The following NCOR2 variants were observed in gnomAD, a reference collection of about 807,000 sequenced individuals.
NCOR2 encodes the protein CTG repeat protein 26.
In NCOR2, 81 loss-of-function variants were observed where a neutral mutation model predicts 262.9. The observed-to-expected ratio is 0.31, with a 90% confidence interval of 0.26 to 0.37. NCOR2 has a LOEUF of 0.37. Among genes scored for constraint, NCOR2 ranks in the 10% least tolerant of loss-of-function variants. The probability of loss-of-function intolerance (pLI) is 1.00; values close to 1 mark genes in which losing one functional copy is unlikely to be tolerated. For synonymous variants in NCOR2, 1,659 were observed against 1,559.3 expected (o/e 1.06, Z -1.51); for missense variants, 3,385 against 3,621.4 (o/e 0.93, Z 1.68).
chr12:124,542,110 C>T (rs1243893174), intron 1 of NCOR2, among the ~76,000 whole-genome samples: 1 of 151,942 alleles, frequency 6.6e-6, no homozygotes, highest in Non-Finnish European at 1.5e-5. Context: ...GACCCAGCCT[C>T]AGCCTCTTCC....
chr12:124,563,922 A>G (rs951542267), intron 1 of NCOR2, among the ~76,000 whole-genome samples: 8 of 152,246 alleles, frequency 5.3e-5, no homozygotes, highest in Non-Finnish European at 1.0e-4. Flanking sequence ...GACCGTGAAT[A>G]ATCCCAGGTC....
rs3741513 is a variant in NCOR2 at position 124,372,114 on chromosome 12, T to A, written c.2715A>T (p.Thr905=). 918,841 of 1,602,002 alleles carry A rather than the reference T, an allele frequency of 0.57. 271,062 individuals carry two copies. Among genetic ancestry groups the A allele is most frequent in the Admixed American group, 0.61 (36,856 of 59,964 alleles). Residue 905 remains threonine (T), a synonymous_variant, in exon 20 of 47, where the codon ACA becomes ACT. Coordinates refer to ENST00000405201, the Ensembl canonical transcript of NCOR2. ...CCTGGGGGGCGCCCGAGCTCTTGGCTGTGGTGGCCCTGCCGCTCCCGCCCT... is the reference window on the plus strand; with the variant it reads ...CCTGGGGGGCGCCCGAGCTCTTGGCAGTGGTGGCCCTGCCGCTCCCGCCCT...
intron 16 of NCOR2, among the ~76,000 whole-genome samples, chr12:124,388,065 G>A (rs1334515794): frequency 6.6e-6 from 1 of 151,798 alleles, no homozygotes; most frequent in African/African-American, 2.4e-5. Context: ...GTGGGTTGAG[G>A]GCAGAGGAGA....
At position 124,432,845 on chromosome 12, in the gene NCOR2, T is replaced by A. The variant is rs895422024; in HGVS notation, c.883-2058A>T. Among the ~76,000 whole-genome samples, 1 of 100,762 alleles carries A rather than the reference T, an allele frequency of 9.9e-6. No individual in the cohort carries two copies. The highest frequency in any genetic ancestry group is 1.8e-5 in the Non-Finnish European group (1 of 54,504). The allele number at this position is 100,762 out of a possible 152,430, so 66.1% of individuals were successfully genotyped here. A position where few individuals can be genotyped will look rare whatever the true frequency, so the allele number is the denominator to read the frequency against. ...TGGCTTCCACATCTCCAAGGTGACT[T>A]GAGCAAGTGGCGGCGGGGGGCGGGG... On this transcript the variant is annotated intron_variant, in intron 8 of 46. Transcript: ENST00000405201. The surrounding 1 kb of genome is among the most constrained non-coding windows in gnomAD (Gnocchi z 5.1).
intron 38 of NCOR2, 63 bp downstream of exon 40, chr12:124,336,690 C>T (rs1455217843): frequency 1.0e-5 from 16 of 1,586,926 alleles, no homozygotes; most frequent in African/African-American, 4.1e-5. Context: ...GCCCCTTTAT[C>T]GTGAGCAATT....
intron 1 of NCOR2, among the ~76,000 whole-genome samples, chr12:124,557,685 T>C (rs943209320): frequency 1.3e-5 from 2 of 152,068 alleles, no homozygotes; most frequent in South Asian, 2.1e-4. Context: ...TGGCAGACGA[T>C]GCGAAAATAA....
chr12:124,469,953 A>G (rs1354442453), intron 4 of NCOR2, among the ~76,000 whole-genome samples: 1 of 152,114 alleles, frequency 6.6e-6, no homozygotes, highest in African/African-American at 2.4e-5. Context: ...ATCACTCAAG[A>G]CCAGCAGTTT....
intron 27 of NCOR2, among the ~76,000 whole-genome samples, chr12:124,352,197 A>T (rs2037543293): frequency 6.6e-6 from 1 of 152,148 alleles, no homozygotes; most frequent in Admixed American, 6.5e-5. Context: ...TTCCTGCAGC[A>T]TCCTGGCGGG....
chr12:124,450,144 G>T (rs1175874640), intron 6 of NCOR2, among the ~76,000 whole-genome samples: 3 of 152,208 alleles, frequency 2.0e-5, no homozygotes, highest in Non-Finnish European at 4.4e-5. Flanking sequence ...TGGCCTGGAA[G>T]GGGCCACAGC....
chr12:124,425,586 G>T (rs185995574), intron 11 of NCOR2, among the ~76,000 whole-genome samples: 1 of 152,242 alleles, frequency 6.6e-6, no homozygotes, highest in African/African-American at 2.4e-5. Flanking sequence ...CAGGGCCCAC[G>T]ATCTCCTCTG....
At chr12:124,462,452 C>A (rs2046214444) in intron 5 of NCOR2, among the ~76,000 whole-genome samples, 1 of 152,250 alleles carries the variant, frequency 6.6e-6, no homozygotes, top group African/African-American at 2.4e-5. Context: ...GCAAACAGAG[C>A]CCCATGCCCA....
At chr12:124,453,674 C>G (rs559885158) in intron 6 of NCOR2, among the ~76,000 whole-genome samples, 2 of 152,246 alleles carry the variant, frequency 1.3e-5, no homozygotes, top group African/African-American at 4.8e-5. Flanking sequence ...CAGCCCTCAA[C>G]CCGCTGGTGA....
At chr12:124,553,461 C>G (rs1039965391) in intron 1 of NCOR2, among the ~76,000 whole-genome samples, 1 of 152,222 alleles carries the variant, frequency 6.6e-6, no homozygotes. Context: ...AGGCCCCACC[C>G]CACAGATTCT....
chr12:124,463,150 C>T (rs932834124), intron 5 of NCOR2, among the ~76,000 whole-genome samples: 1 of 152,258 alleles, frequency 6.6e-6, no homozygotes, highest in African/African-American at 2.4e-5. Flanking sequence ...TGTATCCACA[C>T]ATCGCTAGCG....
At position 124,355,588 on chromosome 12, in the gene NCOR2, T is replaced by C; in HGVS notation, c.3242-17A>G. On this transcript the variant is annotated splice_polypyrimidine_tract_variant and intron_variant, in intron 23 of 46. Transcript: ENST00000405201. ...GTGGGTGACCTGTGGAGCACATGTC[T>C]GTCCATTGTGGGGCCCAGGAGCGGT... The C allele has an allele frequency of 6.5e-7, 1 of 1,542,398 alleles. No individual in the cohort carries two copies. The highest frequency in any genetic ancestry group is 8.7e-7 in the Non-Finnish European group (1 of 1,148,170).
exon 22 of NCOR2, chr12:124,362,171 G>A (rs1286322259): frequency 4.6e-6 from 6 of 1,308,272 alleles, no homozygotes; most frequent in Non-Finnish European, 5.8e-6. Flanking sequence ...TTGCCCCGGG[G>A]GCTGCTGCCA....
At chr12:124,413,708 G>A (rs1447170901) in intron 13 of NCOR2, among the ~76,000 whole-genome samples, 3 of 152,158 alleles carry the variant, frequency 2.0e-5, no homozygotes, top group Admixed American at 2.0e-4. Context: ...GGTGCTGAGA[G>A]AGCGCAAGAG....
intron 14 of NCOR2, 45 bp from the exon 17 acceptor site, chr12:124,400,718 GA>G (rs2041945819): frequency 6.2e-7 from 1 of 1,600,012 alleles, no homozygotes; most frequent in African/African-American, 1.3e-5. Flanking sequence ...CCCGAGCCGG[GA>G]AATCAAACAG....
At chr12:124,351,523 T>G (rs916071254) in intron 27 of NCOR2, among the ~76,000 whole-genome samples, 1 of 152,042 alleles carries the variant, frequency 6.6e-6, no homozygotes, top group Non-Finnish European at 1.5e-5. Flanking sequence ...GGAGGCACAA[T>G]TTCCCCCAAT....
Sources: gnomAD v4.1 joint callset for allele counts (sites outside exome capture counted in the v4.1 genomes callset) on GRCh38, gnomAD v4.1.1 for gene constraint, Gnocchi (gnomAD v3.1) non-coding constraint, MANE v1.5 for transcripts, NCBI Gene and HGNC (gene_info 2026-07-23, HGNC 2026-07-21) for gene names.